LRP1B: variants seen among roughly 807,000 people sequenced by gnomAD.
LRP1B encodes LDL receptor related protein 1B.
Under a neutral mutation model 556.6 loss-of-function variants are expected in LRP1B, and 217 were observed. The observed-to-expected ratio is 0.39, with a 90% CI of 0.35 to 0.44. The LOEUF (loss-of-function observed/expected upper bound fraction) is 0.44. Ranked by LOEUF, LRP1B falls within the 20% of genes least tolerant of loss-of-function variation. LRP1B has a pLI of 1.00. For synonymous variants in LRP1B, 2,047 were observed against 1,865.8 expected, an observed-to-expected ratio of 1.10 and a Z score of -2.50; for missense variants, 5,053 against 5,620.8, an observed-to-expected ratio of 0.90 and a Z score of 3.23.
chr2:141,996,680 T>C (rs1702499610), intron 1 of LRP1B, among the ~76,000 whole-genome samples: 1 of 150,046 alleles, frequency 6.7e-6, no homozygotes, highest in South Asian at 2.1e-4. Context: ...TATTTAAAAT[T>C]TTAAAATATT....
intron 3 of LRP1B, among the ~76,000 whole-genome samples, chr2:141,334,848 G>A (rs776029204): frequency 6.6e-6 from 1 of 152,086 alleles, no homozygotes; most frequent in Non-Finnish European, 1.5e-5. Context: ...CACCATGCCC[G>A]GCCCAGTACA....
intron 77 of LRP1B, among the ~76,000 whole-genome samples, chr2:140,345,719 T>TATACAC (rs1558817805): frequency 4.2e-5 from 6 of 143,356 alleles, no homozygotes; most frequent in African/African-American, 1.3e-4. Context: ...CATATATGTA[T>TATACAC]ATATATACAC....
At chr2:141,869,922 G>C (rs376119029) in intron 1 of LRP1B, among the ~76,000 whole-genome samples, 1 of 151,924 alleles carries the variant, frequency 6.6e-6, no homozygotes, top group East Asian at 1.9e-4. Flanking sequence ...AAATTTTAAT[G>C]AAAAAATGAG....
chr2:140,274,696 A>G (rs1400211932), intron 84 of LRP1B, 98 bp from the exon 85 acceptor site: 4 of 926,390 alleles, frequency 4.3e-6, no homozygotes, highest in Non-Finnish European at 4.8e-6. Flanking sequence ...ACTTAAAAAT[A>G]ATAGGTAGAT....
intron 1 of LRP1B, among the ~76,000 whole-genome samples, chr2:141,866,906 G>T (rs1286709873): frequency 6.6e-6 from 1 of 151,564 alleles, no homozygotes; most frequent in African/African-American, 2.4e-5. Context: ...GAAATAAGGG[G>T]GAAAAAAAGG....
chr2:140,495,533 G>T (rs1688885411), intron 56 of LRP1B, 32 bp downstream of exon 56: 1 of 1,552,518 alleles, frequency 6.4e-7, no homozygotes, highest in Non-Finnish European at 8.8e-7. Flanking sequence ...GTATAACTGA[G>T]GTTGGATCAG....
chr2:140,546,867 G>T lies in LRP1B; in HGVS notation c.7195-4896C>A, dbSNP rs567723490. On this transcript the variant is annotated intron_variant, in intron 43 of 90. Transcript: ENST00000389484. The stretch of plus-strand genomic sequence containing the variant: ...TACCTGGTTTATTGAGGTTTGGGGT[G>T]TTGAATTTTATCAAAAGCCTTTTTT... Among the ~76,000 whole-genome samples the T allele has an allele frequency of 3.3e-5, 5 of 152,166 alleles. No individual in the cohort carries two copies. In the East Asian group the frequency reaches 7.7e-4, roughly 24 times the overall value.
chr2:141,411,754 G>A (rs1028629684), intron 3 of LRP1B, among the ~76,000 whole-genome samples: 5 of 151,926 alleles, frequency 3.3e-5, no homozygotes, highest in Non-Finnish European at 7.4e-5. Context: ...CAGAGACAAG[G>A]AAAATAATGG....
At chr2:140,811,000 G>T (rs922334054) in intron 32 of LRP1B, among the ~76,000 whole-genome samples, 1 of 152,128 alleles carries the variant, frequency 6.6e-6, no homozygotes, top group African/African-American at 2.4e-5. Context: ...CTCACAAAGT[G>T]CTGGGATTAC....
At chr2:140,533,935 C>T (rs1239326817) in intron 47 of LRP1B, 86 bp downstream of exon 47, 2 of 1,466,552 alleles carry the variant, frequency 1.4e-6, no homozygotes, top group African/African-American at 2.8e-5. Context: ...TGTTATATGC[C>T]ACAGAGCTCT....
At chr2:140,808,486 T>G (rs772159379) in intron 32 of LRP1B, among the ~76,000 whole-genome samples, 3 of 152,222 alleles carry the variant, frequency 2.0e-5, no homozygotes, top group Admixed American at 6.5e-5. Flanking sequence ...GTCACTGTCT[T>G]GGCAAACTCT....
At chr2:140,509,111 G>C (rs369586772) in intron 52 of LRP1B, among the ~76,000 whole-genome samples, 8 of 90,592 alleles carry the variant, frequency 8.8e-5, no homozygotes, top group African/African-American at 1.2e-4. Context: ...CACACACACA[G>C]ACACTTATAT....
intron 66 of LRP1B, among the ~76,000 whole-genome samples, chr2:140,435,512 T>A (rs1686135971): frequency 6.6e-6 from 1 of 152,126 alleles, no homozygotes; most frequent in Non-Finnish European, 1.5e-5. Context: ...TCAATTATAA[T>A]CCCCACTGGG....
At chr2:140,553,962 G>C (rs748682521) in intron 43 of LRP1B, among the ~76,000 whole-genome samples, 8 of 152,066 alleles carry the variant, frequency 5.3e-5, no homozygotes, top group Non-Finnish European at 1.0e-4. Flanking sequence ...ACGGGAAAGA[G>C]AGCCAGTTTT....
chr2:141,330,804 G>A (rs1360173363), intron 3 of LRP1B, among the ~76,000 whole-genome samples: 1 of 147,548 alleles, frequency 6.8e-6, no homozygotes, highest in Non-Finnish European at 1.5e-5. Flanking sequence ...CCAGGCTGGA[G>A]TGCAGTGGTG....
chr2:141,508,797 C>T (rs1276345804), intron 2 of LRP1B, among the ~76,000 whole-genome samples: 6 of 152,014 alleles, frequency 3.9e-5, no homozygotes, highest in Non-Finnish European at 5.9e-5. Flanking sequence ...ATTAGGAAGG[C>T]GGAATGCATC....
At chr2:141,304,497 T>C (rs1173934246) in intron 3 of LRP1B, among the ~76,000 whole-genome samples, 4 of 68,548 alleles carry the variant, frequency 5.8e-5, no homozygotes, top group Non-Finnish European at 9.8e-5. Flanking sequence ...TTTTTTTTTT[T>C]GAGATGGAGT....
At chr2:141,494,540 G>C (rs1003337785) in intron 2 of LRP1B, among the ~76,000 whole-genome samples, 12 of 151,702 alleles carry the variant, frequency 7.9e-5, no homozygotes, top group African/African-American at 2.7e-4. Context: ...TGGTGTAAAA[G>C]TAATTGCTGT....
intron 3 of LRP1B, among the ~76,000 whole-genome samples, chr2:141,262,843 C>T (rs577250970): frequency 8.6e-5 from 13 of 151,854 alleles, no homozygotes; most frequent in Non-Finnish European, 1.6e-4. Flanking sequence ...ATTTTTATGC[C>T]TTGTTCTTTT....
Sources: gnomAD v4.1 joint callset for allele counts (sites outside exome capture counted in the v4.1 genomes callset) on GRCh38, gnomAD v4.1.1 for gene constraint, MANE v1.5 for transcripts, NCBI Gene and HGNC (gene_info 2026-07-23, HGNC 2026-07-21) for gene names.